Variants in GRIK4 observed in about 807,000 individuals in gnomAD.
GRIK4 encodes glutamate ionotropic receptor kainate type subunit 4, also known as glutamate receptor ionotropic, kainate 4.
GRIK4 carries 40 observed loss-of-function variants against 104.9 expected under a neutral mutation model. The observed-to-expected ratio is 0.38, with a 90% CI of 0.30 to 0.50. GRIK4 has a LOEUF of 0.50. Ranked by LOEUF, GRIK4 falls within the 20% of genes least tolerant of loss-of-function variation. The pLI, the probability that GRIK4 is intolerant of heterozygous loss-of-function variation, is 0.93. For missense variants in GRIK4, 1,047 were observed against 1,308.1 expected (o/e 0.80, Z 3.08); for synonymous variants, 485 against 524.9 (o/e 0.92, Z 1.04).
At chr11:120,871,415 G>T in intron 9 of GRIK4, 1 of 355,858 alleles carries the variant, frequency 2.8e-6, no homozygotes, top group South Asian at 2.2e-5. Context: ...AGGAGCTGAG[G>T]GCAAAGGGGA....
At chr11:120,548,736 G>A (rs575875714) in intron 1 of GRIK4, among the ~76,000 whole-genome samples, 1 of 152,286 alleles carries the variant, frequency 6.6e-6, no homozygotes, top group African/African-American at 2.4e-5. Flanking sequence ...AGGCACATCT[G>A]TCTGTGGGGC....
At chr11:120,773,337 G>A (rs972924224) in intron 3 of GRIK4, among the ~76,000 whole-genome samples, 4 of 152,166 alleles carry the variant, frequency 2.6e-5, no homozygotes, top group African/African-American at 7.2e-5. Context: ...GTCTATTTCC[G>A]ACAGTGTGGT....
chr11:120,620,452 T>TC (rs1949173267), intron 1 of GRIK4, among the ~76,000 whole-genome samples: 2 of 151,896 alleles, frequency 1.3e-5, no homozygotes, highest in South Asian at 4.2e-4. Flanking sequence ...CCAGGGCCAC[T>TC]CCCCCACCCT....
At chr11:120,943,728 C>T (rs903211078) in intron 14 of GRIK4, among the ~76,000 whole-genome samples, 27 of 152,290 alleles carry the variant, frequency 1.8e-4, no homozygotes, top group Non-Finnish European at 2.5e-4. Flanking sequence ...TATGAGGTCA[C>T]CTGACTGATG....
At chr11:120,545,782 C>T (rs1948080309) in intron 1 of GRIK4, among the ~76,000 whole-genome samples, 3 of 152,176 alleles carry the variant, frequency 2.0e-5, no homozygotes, top group African/African-American at 7.2e-5. Context: ...TAGGGAGCAC[C>T]AGTTTTAGGG....
intron 1 of GRIK4, chr11:120,620,219 T>C: frequency 1.3e-6 from 1 of 782,522 alleles, no homozygotes; most frequent in Admixed American, 1.7e-5. Flanking sequence ...TTGACATACA[T>C]GGCATCAGGG....
intron 1 of GRIK4, among the ~76,000 whole-genome samples, chr11:120,566,796 C>T (rs111758375): frequency 3.5e-4 from 53 of 151,224 alleles, no homozygotes; most frequent in Non-Finnish European, 3.8e-4. Context: ...CTCCACCTCC[C>T]GGGTTCAAGT....
intron 12 of GRIK4, among the ~76,000 whole-genome samples, chr11:120,900,024 C>T (rs940822121): frequency 6.6e-6 from 1 of 152,180 alleles, no homozygotes; most frequent in Admixed American, 6.5e-5. Context: ...GATTGATCTA[C>T]TATAAACAGA....
chr11:120,586,981 G>C (rs538094589), intron 1 of GRIK4, among the ~76,000 whole-genome samples: 9 of 152,324 alleles, frequency 5.9e-5, no homozygotes, highest in African/African-American at 2.2e-4. Flanking sequence ...ATGTGATGCT[G>C]TTTCTTCGCT....
chr11:120,566,996 A>ATTTTT (rs1948335373), intron 1 of GRIK4, among the ~76,000 whole-genome samples: 1 of 57,952 alleles, frequency 1.7e-5, no homozygotes, highest in African/African-American at 1.3e-4. Context: ...TTTTTTTTTG[A>ATTTTT]GACAAGGTCT....
chr11:120,606,152 C>T (rs1044131488), intron 1 of GRIK4, among the ~76,000 whole-genome samples: 3 of 152,188 alleles, frequency 2.0e-5, no homozygotes, highest in Non-Finnish European at 4.4e-5. Context: ...TATTGAATAT[C>T]GCATTTTGAT....
rs1433577978 is a variant in GRIK4 at position 120,962,575 on chromosome 11, C to T, written c.2160C>T (p.Phe720=). Residue 720 remains phenylalanine (F), a synonymous_variant, in exon 18 of 21, where the codon TTC becomes TTT. Transcript: ENST00000527524. ...IARVLNSNYA[F]LLESTMNEYY... ...GGGTGTTGAATTCCAACTACGCCTT[C>T]CTCCTGGAATCCACCATGAACGAGT... 1 of 1,613,988 alleles carries T rather than the reference C, an allele frequency of 6.2e-7. No homozygotes were observed. Among genetic ancestry groups the T allele is most frequent in the Non-Finnish European group, 8.5e-7 (1 of 1,179,866 alleles).
intron 3 of GRIK4, among the ~76,000 whole-genome samples, chr11:120,777,799 T>C (rs1591900542): frequency 2.0e-5 from 3 of 152,200 alleles, no homozygotes; most frequent in South Asian, 2.1e-4. Flanking sequence ...GAGCCGGGCA[T>C]GATGGCACGC....
chr11:120,522,250 G>A (rs1947804220), intron 1 of GRIK4, among the ~76,000 whole-genome samples: 1 of 152,228 alleles, frequency 6.6e-6, no homozygotes. Flanking sequence ...CTCAGTCAAT[G>A]CAAGTGACTT....
At chr11:120,562,536 C>G (rs1047972505) in intron 1 of GRIK4, among the ~76,000 whole-genome samples, 1 of 152,078 alleles carries the variant, frequency 6.6e-6, no homozygotes, top group Non-Finnish European at 1.5e-5. Context: ...TATTGTGAGG[C>G]TGGTGGGGGC....
At chr11:120,529,748 G>A (rs1431812948) in intron 1 of GRIK4, among the ~76,000 whole-genome samples, 2 of 152,216 alleles carry the variant, frequency 1.3e-5, no homozygotes, top group Admixed American at 1.3e-4. Context: ...CTGTGTGCAA[G>A]TACACTTGCT....
intron 1 of GRIK4, among the ~76,000 whole-genome samples, chr11:120,628,136 G>C (rs1452280281): frequency 6.6e-6 from 1 of 152,214 alleles, no homozygotes; most frequent in African/African-American, 2.4e-5. Context: ...GCTCCCAGGA[G>C]GGGTGTTATC....
intron 4 of GRIK4, among the ~76,000 whole-genome samples, chr11:120,805,554 G>A (rs933765364): frequency 6.6e-6 from 1 of 152,150 alleles, no homozygotes; most frequent in South Asian, 2.1e-4. Context: ...TATTTTCTTA[G>A]CAAGTGGGCC....
intron 3 of GRIK4, among the ~76,000 whole-genome samples, chr11:120,735,832 A>C (rs1951212233): frequency 1.3e-5 from 2 of 152,000 alleles, no homozygotes; most frequent in Non-Finnish European, 2.9e-5. Flanking sequence ...GCCCATGGGG[A>C]GTTCTGCCAG....
Sources: allele counts gnomAD v4.1 joint callset (sites outside exome capture counted in the v4.1 genomes callset), GRCh38; gene constraint gnomAD v4.1.1; transcripts MANE v1.5; gene names NCBI Gene and HGNC (gene_info 2026-07-23, HGNC 2026-07-21).